The following TMEM44 variants were observed in gnomAD, a reference collection of about 807,000 sequenced individuals.
The protein encoded by TMEM44 is transmembrane protein 44.
A neutral mutation model predicts 47.8 loss-of-function variants in TMEM44; 43 were observed. That is an observed-to-expected ratio of 0.90 (90% CI 0.70 to 1.16). The LOEUF is 1.16. Ranked by LOEUF, TMEM44 falls within the 50% of genes most tolerant of loss-of-function variation. The pLI is 0.00. For synonymous variants in TMEM44, 277 were observed against 238.8 expected (o/e 1.16, Z -1.48); for missense variants, 568 against 555.2 (o/e 1.02, Z -0.23).
intron 7 of TMEM44, among the ~76,000 whole-genome samples, chr3:194,614,084 G>C (rs975376655): frequency 3.3e-5 from 5 of 151,900 alleles, no homozygotes; most frequent in Non-Finnish European, 7.4e-5. Context: ...ATCGTGCCAC[G>C]GCACTCCAGC....
At chr3:194,593,562 A>C (rs1296773127) in intron 9 of TMEM44, among the ~76,000 whole-genome samples, 1 of 152,116 alleles carries the variant, frequency 6.6e-6, no homozygotes, top group East Asian at 1.9e-4. Flanking sequence ...CCAAACCTCA[A>C]ATATGTCTGA....
chr3:194,602,120 G>A (rs970199247), intron 9 of TMEM44, among the ~76,000 whole-genome samples: 5 of 152,110 alleles, frequency 3.3e-5, no homozygotes, highest in Admixed American at 6.5e-5. Flanking sequence ...TTCTGAGACC[G>A]GATCCAAGAA....
At chr3:194,615,530 G>A (rs1005046490) in intron 7 of TMEM44, 39 bp downstream of exon 7, 10 of 1,606,132 alleles carry the variant, frequency 6.2e-6, no homozygotes, top group Non-Finnish European at 8.5e-6. Flanking sequence ...GCTGGGACCA[G>A]AGTTTTCCAG....
intron 9 of TMEM44, among the ~76,000 whole-genome samples, chr3:194,595,969 G>A (rs938490613): frequency 1.3e-5 from 2 of 152,060 alleles, no homozygotes; most frequent in African/African-American, 4.8e-5. Context: ...GCCCTCCTCA[G>A]GATCATGAAA....
chr3:194,595,533 C>A (rs1713289480), intron 9 of TMEM44, among the ~76,000 whole-genome samples: 1 of 152,078 alleles, frequency 6.6e-6, no homozygotes, highest in Non-Finnish European at 1.5e-5. Context: ...GACATCTCCA[C>A]AGTCTTGGGG....
At chr3:194,626,402 C>G (rs1407613680) in intron 2 of TMEM44, among the ~76,000 whole-genome samples, 1 of 152,222 alleles carries the variant, frequency 6.6e-6, no homozygotes, top group Non-Finnish European at 1.5e-5. Context: ...TTACTTGAGA[C>G]AGTACATGGG....
At chr3:194,592,502 A>C (rs1350548467) in intron 9 of TMEM44, among the ~76,000 whole-genome samples, 1 of 152,156 alleles carries the variant, frequency 6.6e-6, no homozygotes, top group Non-Finnish European at 1.5e-5. Context: ...ACTGGGTTAC[A>C]CGTCTTCTTG....
At chr3:194,618,884 G>T (rs763841314) in intron 5 of TMEM44, among the ~76,000 whole-genome samples, 1 of 152,206 alleles carries the variant, frequency 6.6e-6, no homozygotes, top group Non-Finnish European at 1.5e-5. Flanking sequence ...CTGCTTAACC[G>T]AGAGACAGCA....
intron 9 of TMEM44, among the ~76,000 whole-genome samples, chr3:194,598,918 T>C (rs1206661908): frequency 6.6e-6 from 1 of 152,170 alleles, no homozygotes; most frequent in African/African-American, 2.4e-5. Flanking sequence ...CAGAGAGCGT[T>C]CACTCATCAA....
chr3:194,611,759 CGCCT>C lies in TMEM44; in HGVS notation c.913-743_913-740del, dbSNP rs1715344692. Among the ~76,000 whole-genome samples the C allele has an allele frequency of 6.6e-6, 1 of 152,090 alleles. No homozygotes were observed. Among genetic ancestry groups the C allele is most frequent in the African/African-American group, 2.4e-5 (1 of 41,408 alleles). Reference sequence around the variant, plus strand: ...GATTGCAGCCGGGCGCGGTGGCTCACGCCTGTAATCCCAGCACTTTGGGAGGCCG... The same window carrying C: ...GATTGCAGCCGGGCGCGGTGGCTCACGTAATCCCAGCACTTTGGGAGGCCG... On this transcript the variant is annotated intron_variant, in intron 7 of 9. Coordinates refer to ENST00000347147, the MANE Select transcript of TMEM44 (RefSeq NM_001011655.3). This position sits in a 1 kb window ranked among gnomAD's most constrained non-coding sequence, Gnocchi z 4.2.
intron 9 of TMEM44, 137 bp downstream of exon 9, chr3:194,604,150 G>T: frequency 8.8e-7 from 1 of 1,138,786 alleles, no homozygotes; most frequent in Admixed American, 2.5e-5. Flanking sequence ...CACCGCGCCT[G>T]GCCTCATTCA....
intron 1 of TMEM44, among the ~76,000 whole-genome samples, chr3:194,631,797 C>G (rs1717855675): frequency 6.6e-6 from 1 of 152,184 alleles, no homozygotes; most frequent in Non-Finnish European, 1.5e-5. Flanking sequence ...AAGACACATT[C>G]TTCTAAGAGA....
intron 5 of TMEM44, chr3:194,617,547 G>A (rs911029476): frequency 5.6e-5 from 35 of 624,038 alleles, no homozygotes; most frequent in Admixed American, 2.1e-4. Flanking sequence ...GGGCCCTAAC[G>A]CATCCCTCCA....
At chr3:194,609,013 C>T (rs145107465) in intron 8 of TMEM44, among the ~76,000 whole-genome samples, 201 of 152,288 alleles carry the variant, frequency 1.3e-3, no homozygotes, top group Middle Eastern at 3.4e-3. Flanking sequence ...GAAGCATTTA[C>T]AGGACTCTCA....
At chr3:194,593,087 A>G (rs1231989237) in intron 9 of TMEM44, 2 of 1,613,150 alleles carry the variant, frequency 1.2e-6, no homozygotes, top group Non-Finnish European at 1.7e-6. Context: ...CAGAATAAAA[A>G]GAGAGACAGA....
chr3:194,596,806 G>C (rs1467032237), intron 9 of TMEM44: 1 of 152,232 alleles, frequency 6.6e-6, no homozygotes, highest in Non-Finnish European at 1.5e-5. Context: ...CCCCTGCACA[G>C]CCCGTTTCCC....
rs746717481 is a variant in TMEM44 at position 194,615,553 on chromosome 3, T to G, written c.912+16A>C. On this transcript the variant is annotated intron_variant, in intron 7 of 9. Coordinates refer to ENST00000347147, the MANE Select transcript of TMEM44 (RefSeq NM_001011655.3). ...CAGAGTTTTCCAGCCAGAGAGACCT[T>G]GTCCTCGTTCCTCACCTCCTGGTTT... 3.1e-6 allele frequency: 5 copies of G among 1,612,944 alleles called. No homozygotes were observed. In the African/African-American group the frequency reaches 5.3e-5, roughly 17 times the overall value.
rs768692119 is a variant in TMEM44 at position 194,623,258 on chromosome 3, G to A, written c.578C>T (p.Ser193Phe). The change falls in exon 5 of 10, where the codon TCC becomes TTC. Residue 193 changes from serine (S) to phenylalanine (F), a missense_variant. By Grantham distance (155) the Ser-to-Phe change is radical. Transcript: ENST00000347147. ...YLLGSVAAFG[S>F]WASRIPPLSR... Reference sequence around the variant, plus strand: ...GAGAGGGGGGATCCGAGAAGCCCAGGAGCCAAAGGCAGCAACGCTACCCAG... The same window carrying A: ...GAGAGGGGGGATCCGAGAAGCCCAGAAGCCAAAGGCAGCAACGCTACCCAG... 3.7e-6 allele frequency: 6 copies of A among 1,611,624 alleles called. No homozygotes were observed. Among genetic ancestry groups the A allele is most frequent in the East Asian group, 2.2e-5 (1 of 44,766 alleles).
In TMEM44 at chr3:194,611,196, G is replaced by GCC. The variant is rs1380703526; in HGVS notation, c.913-178_913-177dup. Among the ~76,000 whole-genome samples, 1 of 152,106 alleles carries GCC rather than the reference G, an allele frequency of 6.6e-6. No homozygotes were observed. Among genetic ancestry groups the GCC allele is most frequent in the African/African-American group, 2.4e-5 (1 of 41,418 alleles). On this transcript the variant is annotated intron_variant, in intron 7 of 9. Transcript: ENST00000347147. The surrounding 1 kb of genome is among the most constrained non-coding windows in gnomAD (Gnocchi z 4.2). ...GATGTGTCTTATCTTTCTCTTCGAG[G>GCC]CCACAGTCATTTAGTGTTTCCCAAA...
Sources: gnomAD v4.1 joint callset for allele counts (sites outside exome capture counted in the v4.1 genomes callset) on GRCh38, gnomAD v4.1.1 for gene constraint, Gnocchi (gnomAD v3.1) non-coding constraint, MANE v1.5 for transcripts, NCBI Gene and HGNC (gene_info 2026-07-23, HGNC 2026-07-21) for gene names.